Variants in HAPLN1 observed in about 807,000 individuals in gnomAD.
The protein encoded by HAPLN1 is hyaluronan and proteoglycan link protein 1.
Under a neutral mutation model 36.5 loss-of-function variants are expected in HAPLN1, and 13 were observed. The observed-to-expected ratio is 0.36, with a 90% CI of 0.23 to 0.57. The LOEUF (loss-of-function observed/expected upper bound fraction) is 0.57, where lower values mean the gene tolerates loss of function less well. Among genes scored for constraint, HAPLN1 ranks in the 20% least tolerant of loss-of-function variants. HAPLN1 has a pLI of 0.83. For missense variants in HAPLN1, 407 were observed against 439.7 expected (o/e 0.93, Z 0.66); for synonymous variants, 202 against 169.8 (o/e 1.19, Z -1.48).
chr5:83,647,916 C>T (rs375236185), intron 3 of HAPLN1, among the ~76,000 whole-genome samples: 1 of 152,084 alleles, frequency 6.6e-6, no homozygotes, highest in Non-Finnish European at 1.5e-5. Context: ...TCTGAAATTG[C>T]GTTTCTATTT....
chr5:83,652,769 G>C lies in HAPLN1; in HGVS notation c.156C>G (p.His52Gln). 1.2e-6 allele frequency: 2 copies of C among 1,613,426 alleles called. No homozygotes were observed. Among genetic ancestry groups the C allele is most frequent in the Non-Finnish European group, 1.7e-6 (2 of 1,179,530 alleles). Residue 52 changes from histidine (H) to glutamine (Q), a missense_variant, in exon 3 of 5, where the codon CAC (histidine) becomes CAG (glutamine). Physicochemically the swap from His to Gln is conservative, Grantham distance 24 (BLOSUM62 0). Coordinates refer to ENST00000274341, the MANE Select transcript of HAPLN1 (RefSeq NM_001884.4). ...ATGGCAGTGTAACATTGCCACCTCT[G>C]TGTGAAAACACCTTGGCTTGCTCTG... is the stretch of plus-strand genomic sequence containing the variant. ...VEAEQAKVFS[H>Q]RGGNVTLPCK...
At chr5:83,648,427 ATATATATATAT>A (rs1749944991) in intron 3 of HAPLN1, among the ~76,000 whole-genome samples, 1 of 119,572 alleles carries the variant, frequency 8.4e-6, no homozygotes, top group African/African-American at 3.0e-5. Context: ...ATATATATAT[ATATATATATAT>A]GGTTTGAATC....
chr5:83,710,772 A>G (rs1189024945), intron 1 of HAPLN1, among the ~76,000 whole-genome samples: 2 of 151,982 alleles, frequency 1.3e-5, no homozygotes, highest in African/African-American at 4.8e-5. Context: ...CCAACATGGC[A>G]AAACCCCGTC....
At chr5:83,698,815 T>G (rs1751446752) in intron 1 of HAPLN1, among the ~76,000 whole-genome samples, 1 of 152,160 alleles carries the variant, frequency 6.6e-6, no homozygotes, top group Admixed American at 6.5e-5. Flanking sequence ...CAGGCCTACT[T>G]GACCCCATAG....
At chr5:83,716,677 T>C (rs530723098) in intron 1 of HAPLN1, among the ~76,000 whole-genome samples, 1 of 152,316 alleles carries the variant, frequency 6.6e-6, no homozygotes, top group South Asian at 2.1e-4. Context: ...GTAAAGTTTG[T>C]TCTTGTCTAG....
chr5:83,639,966 G>A lies in HAPLN1; in HGVS notation c.*1530C>T, dbSNP rs1050067574. 1 of 152,004 alleles carries A rather than the reference G, an allele frequency of 6.6e-6. No homozygotes were observed. Among genetic ancestry groups the A allele is most frequent in the African/African-American group, 2.4e-5 (1 of 41,398 alleles). 9.4% of individuals were successfully genotyped at this position (152,004 alleles called of 1,614,324 possible). ...GTAAATTTATTAGAATTATTACAGA[G>A]CTTTAAATGCAACCACAATCCATTC... On this transcript the variant is annotated 3_prime_UTR_variant, in exon 5 of 5. Transcript: ENST00000274341.
At chr5:83,699,291 C>A (rs1336000451) in intron 1 of HAPLN1, among the ~76,000 whole-genome samples, 1 of 152,186 alleles carries the variant, frequency 6.6e-6, no homozygotes, top group South Asian at 2.1e-4. Context: ...TATAGTGACT[C>A]CACTTTGTTA....
chr5:83,660,933 A>T (rs1421793647), intron 2 of HAPLN1, among the ~76,000 whole-genome samples: 1 of 151,874 alleles, frequency 6.6e-6, no homozygotes, highest in Non-Finnish European at 1.5e-5. Flanking sequence ...GCTGGTGTAG[A>T]CTCTTACTAG....
At chr5:83,705,401 A>G (rs1751617662) in intron 1 of HAPLN1, among the ~76,000 whole-genome samples, 1 of 151,528 alleles carries the variant, frequency 6.6e-6, no homozygotes, top group Non-Finnish European at 1.5e-5. Context: ...AAAAAAAAAA[A>G]AAAAAAAAGA....
intron 1 of HAPLN1, among the ~76,000 whole-genome samples, chr5:83,719,786 C>T (rs1580171872): frequency 2.0e-5 from 3 of 152,254 alleles, no homozygotes; most frequent in Middle Eastern, 6.8e-3. Flanking sequence ...CCAGAAACTA[C>T]AATTGTAATG....
chr5:83,662,858 C>T (rs1417316879), intron 2 of HAPLN1, among the ~76,000 whole-genome samples: 2 of 152,184 alleles, frequency 1.3e-5, no homozygotes, highest in East Asian at 3.8e-4. Context: ...GTTGTATATA[C>T]TGATAAGGCT....
intron 2 of HAPLN1, among the ~76,000 whole-genome samples, chr5:83,670,405 G>A (rs1313376287): frequency 2.0e-5 from 3 of 152,054 alleles, no homozygotes; most frequent in Non-Finnish European, 4.4e-5. Context: ...CCTACATTGA[G>A]GACAGTATGT....
intron 1 of HAPLN1, among the ~76,000 whole-genome samples, chr5:83,704,427 G>C (rs1459538126): frequency 6.6e-6 from 1 of 152,118 alleles, no homozygotes; most frequent in Admixed American, 6.6e-5. Context: ...ATGTAAATGG[G>C]ATAAATTTCT....
At chr5:83,644,279 AGAT>A in intron 4 of HAPLN1, 81 bp downstream of exon 4, 2 of 1,060,402 alleles carry the variant, frequency 1.9e-6, no homozygotes, top group Non-Finnish European at 2.5e-6. Flanking sequence ...TTTTCTAAGA[AGAT>A]AAGATTAAAA....
At chr5:83,686,172 C>G (rs1421303586) in intron 1 of HAPLN1, among the ~76,000 whole-genome samples, 2 of 133,008 alleles carry the variant, frequency 1.5e-5, no homozygotes, top group African/African-American at 2.8e-5. Context: ...AAAGAAATGT[C>G]AAGACTTGAG....
chr5:83,650,246 C>T (rs1750016388), intron 3 of HAPLN1, among the ~76,000 whole-genome samples: 1 of 152,152 alleles, frequency 6.6e-6, no homozygotes, highest in Non-Finnish European at 1.5e-5. Context: ...CTTACTAGAG[C>T]TAGCCATGTT....
At chr5:83,687,005 AG>A (rs1694372175) in intron 1 of HAPLN1, among the ~76,000 whole-genome samples, 1 of 152,244 alleles carries the variant, frequency 6.6e-6, no homozygotes, top group Non-Finnish European at 1.5e-5. Flanking sequence ...GCTGTTTGGA[AG>A]TGAAGGTGAC....
At chr5:83,645,314 G>T (rs377104793) in intron 3 of HAPLN1, among the ~76,000 whole-genome samples, 4 of 151,888 alleles carry the variant, frequency 2.6e-5, no homozygotes, top group African/African-American at 9.7e-5. Context: ...CTTCACTTAG[G>T]GGGGACTCTT....
At chr5:83,648,433 A>ATC (rs1749945943) in intron 3 of HAPLN1, among the ~76,000 whole-genome samples, 1 of 130,496 alleles carries the variant, frequency 7.7e-6, no homozygotes, top group South Asian at 2.4e-4. Flanking sequence ...ATATATATAT[A>ATC]TATATGGTTT....
Sources: allele counts gnomAD v4.1 joint callset (sites outside exome capture counted in the v4.1 genomes callset), GRCh38; gene constraint gnomAD v4.1.1; transcripts MANE v1.5; gene names NCBI Gene and HGNC (gene_info 2026-07-23, HGNC 2026-07-21).